The following CXorf38 variants were observed in gnomAD, a reference collection of about 807,000 sequenced individuals.
CXorf38 encodes chromosome X open reading frame 38.
A neutral mutation model predicts 27.5 loss-of-function variants in CXorf38; 13 were observed. The ratio of observed to expected loss-of-function variants is 0.47; its 90% CI spans 0.31 to 0.75. The LOEUF is 0.75. CXorf38 is among the 30% of genes least tolerant of loss of function. The pLI is 0.05. For synonymous variants in CXorf38, 100 were observed against 99.8 expected (o/e 1.00, Z -0.01); for missense variants, 240 against 253.2 (o/e 0.95, Z 0.35).
intron 2 of CXorf38, among the ~76,000 whole-genome samples, chrX:40,643,878 T>C (rs779530997): frequency 6.9e-4 from 78 of 112,785 alleles, no homozygotes; most frequent in African/African-American, 2.5e-3. Context: ...AAATATAATA[T>C]GTGACTAGCT....
In CXorf38 at chrX:40,628,804, G is replaced by A. The variant is rs983572619; in HGVS notation, c.*1360C>T. 1.8e-5 allele frequency: 2 copies of A among 111,196 alleles called. No homozygotes were observed. The highest frequency in any genetic ancestry group is 6.5e-5 in the African/African-American group (2 of 30,549). The allele number at this position is 111,196 out of a possible 1,213,427, so 9.2% of individuals were successfully genotyped here. On this transcript the variant is annotated 3_prime_UTR_variant, in exon 7 of 7. Transcript: ENST00000327877. The stretch of plus-strand genomic sequence containing the variant: ...ACTGAGCATGTGAGGGCCAGGCCCT[G>A]GGAGCTTACTTTTCAAAAGTGTACC...
chrX:40,637,144 G>A lies in CXorf38; in HGVS notation c.484C>T (p.Arg162Cys). The change falls in exon 4 of 7, where the codon CGT becomes TGT. Residue 162 changes from arginine to cysteine, a missense_variant. By Grantham distance (180) the Arg-to-Cys change is radical. Coordinates refer to ENST00000327877, the MANE Select transcript of CXorf38 (RefSeq NM_144970.3). ...RKKVTEVIKC[R>C]NEIMHSSEMK... The stretch of plus-strand genomic sequence containing the variant: ...TCTGAAGAGTGCATGATCTCATTAC[G>A]ACATTTAATTACCTGCAGAAAGACA... 6.9e-6 allele frequency: 8 copies of A among 1,166,519 alleles called. No individual in the cohort carries two copies. Among genetic ancestry groups the A allele is most frequent in the South Asian group, 6.0e-5 (3 of 50,089 alleles).
intron 5 of CXorf38, among the ~76,000 whole-genome samples, chrX:40,631,264 C>T (rs201283193): frequency 1.7e-4 from 16 of 91,839 alleles, no homozygotes; most frequent in African/African-American, 7.4e-4. Context: ...TACACACACA[C>T]ACACACACAC....
intron 2 of CXorf38, chrX:40,639,742 A>G (rs1928235457): frequency 8.4e-6 from 1 of 119,155 alleles, no homozygotes. Context: ...CGTGCTAGTA[A>G]CCAGGACATC....
intron 5 of CXorf38, among the ~76,000 whole-genome samples, chrX:40,633,501 CTTA>C (rs1477565789): frequency 9.0e-6 from 1 of 111,093 alleles, no homozygotes; most frequent in Non-Finnish European, 1.9e-5. Flanking sequence ...ACATCATTAC[CTTA>C]TTATGTTTAC....
At position 40,647,031 on chromosome X, in the gene CXorf38, G is replaced by C; in HGVS notation, c.327C>G (p.Pro109=). Residue 109 remains proline, a synonymous_variant, in exon 2 of 7, where the codon CCC becomes CCG. Coordinates refer to ENST00000327877, the MANE Select transcript of CXorf38 (RefSeq NM_144970.3). ...CCTTGGCCACCTCCCAGGCGTCCAC[G>C]GGCCAGCGGCCCGGCCGGCAGTTTC... ...HWGNCRPGRW[P]VDAWEVAKAF... is the part of the protein sequence containing the mutation. 1 of 1,211,548 alleles carries C rather than the reference G, an allele frequency of 8.3e-7. No homozygotes were observed. The highest frequency in any genetic ancestry group is 1.1e-6 in the Non-Finnish European group (1 of 895,236).
intron 5 of CXorf38, among the ~76,000 whole-genome samples, chrX:40,634,774 C>A (rs1927990385): frequency 8.9e-6 from 1 of 111,806 alleles, no homozygotes; most frequent in Non-Finnish European, 1.9e-5. Context: ...CCAATCAATC[C>A]TCACATTTTG....
chrX:40,644,843 C>CT (rs1209043705), intron 2 of CXorf38, among the ~76,000 whole-genome samples: 2 of 111,641 alleles, frequency 1.8e-5, no homozygotes, highest in Non-Finnish European at 3.8e-5. Flanking sequence ...GTAGTAGTCT[C>CT]CAGAAACTGA....
chrX:40,634,506 G>A (rs778542111), intron 5 of CXorf38, among the ~76,000 whole-genome samples: 44 of 112,687 alleles, frequency 3.9e-4, no homozygotes, highest in Non-Finnish European at 2.1e-4. Flanking sequence ...CGTCTCAAAT[G>A]AGAATGCATC....
chrX:40,633,193 G>A (rs1360023350), intron 5 of CXorf38, among the ~76,000 whole-genome samples: 6 of 110,301 alleles, frequency 5.4e-5, no homozygotes, highest in Admixed American at 1.9e-4. Flanking sequence ...CCAGTACCCC[G>A]TAGTACCCTC....
intron 5 of CXorf38, among the ~76,000 whole-genome samples, chrX:40,633,781 T>C (rs1238633277): frequency 8.9e-6 from 1 of 112,215 alleles, no homozygotes; most frequent in Non-Finnish European, 1.9e-5. Flanking sequence ...TTTTAAAGTC[T>C]GTGAAAATTA....
chrX:40,646,953 C>A, intron 2 of CXorf38, 54 bp downstream of exon 2: 1 of 1,173,829 alleles, frequency 8.5e-7, no homozygotes, highest in Non-Finnish European at 1.1e-6. Flanking sequence ...ATAGCCACCC[C>A]GAGTGCTGGG....
intron 5 of CXorf38, among the ~76,000 whole-genome samples, chrX:40,632,272 A>G (rs1330184054): frequency 2.7e-5 from 3 of 111,183 alleles, no homozygotes; most frequent in Non-Finnish European, 5.7e-5. Flanking sequence ...TTGAGCGGAG[A>G]CTTTCTCACA....
intron 5 of CXorf38, among the ~76,000 whole-genome samples, chrX:40,631,529 C>A (rs921910883): frequency 3.6e-5 from 4 of 111,247 alleles, no homozygotes; most frequent in Non-Finnish European, 7.6e-5. Context: ...TGGTCTCAAA[C>A]CCCTGACCTC....
rs750275069 is a variant in CXorf38, at chrX:40,636,683, G to A, written c.651C>T (p.Ile217=). The A allele has an allele frequency of 9.6e-5, 116 of 1,204,675 alleles. 1 individual carries two copies. The highest frequency in any genetic ancestry group is 9.3e-5 in the Non-Finnish European group (83 of 892,673). The change falls in exon 5 of 7, where the codon ATC becomes ATT. Residue 217 remains isoleucine (I), a synonymous_variant. Coordinates refer to ENST00000327877, the MANE Select transcript of CXorf38 (RefSeq NM_144970.3). ...QLLTSDWAVH[I]PEEDQRDGCE... ...ACCCATCTCGCTGATCTTCCTCGGGGATGTGAACAGCCCAGTCAGACGTCA... is the reference window on the plus strand; with the variant it reads ...ACCCATCTCGCTGATCTTCCTCGGGAATGTGAACAGCCCAGTCAGACGTCA...
Position 40,629,094 on chromosome X carries a change from A to C in CXorf38, c.*1070T>G, listed in dbSNP as rs1927655668. The C allele has an allele frequency of 9.2e-6, 1 of 108,836 alleles. No individual in the cohort carries two copies. The highest frequency in any genetic ancestry group is 3.4e-5 in the African/African-American group (1 of 29,674). 9.0% of individuals were successfully genotyped at this position (108,836 alleles called of 1,213,427 possible). On this transcript the variant is annotated 3_prime_UTR_variant, in exon 7 of 7. Coordinates refer to ENST00000327877, the MANE Select transcript of CXorf38 (RefSeq NM_144970.3). ...CAGTGGCATGATCATAGCTCACCAC[A>C]GCCTTGACCACCTGGGCTCAAGGGA...
intron 2 of CXorf38, among the ~76,000 whole-genome samples, chrX:40,644,810 G>A (rs1928500973): frequency 1.8e-5 from 2 of 111,910 alleles, no homozygotes; most frequent in African/African-American, 6.5e-5. Context: ...GGAGGAACGG[G>A]AGCAGGGATT....
chrX:40,635,004 G>C, intron 5 of CXorf38, among the ~76,000 whole-genome samples: 1 of 112,352 alleles, frequency 8.9e-6, no homozygotes. Context: ...AGGATCAGAA[G>C]GGGGAGACCT....
rs762339282 is a variant in CXorf38 at position 40,646,569 on chromosome X, A to G, written c.351+438T>C. ...CCAAAGTGCCTTTAACTGGGCACTT[A>G]AGGTGCTATTTTAGCCCTAACTTCC... On this transcript the variant is annotated intron_variant, in intron 2 of 6. Transcript: ENST00000327877. Among the ~76,000 whole-genome samples, 30 of 111,374 alleles carry G rather than the reference A, an allele frequency of 2.7e-4. No homozygotes were observed. The South Asian group carries it at 0.011, about 42-fold the overall frequency.
Sources: allele counts gnomAD v4.1 joint callset (sites outside exome capture counted in the v4.1 genomes callset), GRCh38; gene constraint gnomAD v4.1.1; transcripts MANE v1.5; gene names NCBI Gene and HGNC (gene_info 2026-07-23, HGNC 2026-07-21).